CCN4: variants seen among roughly 807,000 people sequenced by gnomAD.
CCN4 encodes the protein CCN family member 4.
A neutral mutation model predicts 36.7 loss-of-function variants in CCN4; 30 were observed. That is an observed-to-expected ratio of 0.82 (90% CI 0.61 to 1.11). The LOEUF (loss-of-function observed/expected upper bound fraction) is 1.11. Among genes scored for constraint, CCN4 ranks in the 50% least tolerant of loss-of-function variants. CCN4 has a pLI of 0.00. For missense variants in CCN4, 505 were observed against 504.9 expected (o/e 1.00, Z 0.00); for synonymous variants, 191 against 195.4 (o/e 0.98, Z 0.19).
chr8:133,226,879 T>C (rs557775278), intron 4 of CCN4, among the ~76,000 whole-genome samples: 17 of 152,312 alleles, frequency 1.1e-4, no homozygotes, highest in African/African-American at 3.8e-4. Flanking sequence ...GAAAGAACAG[T>C]AAATCTCAAG....
chr8:133,220,836 C>A lies in CCN4; in HGVS notation c.605C>A (p.Ala202Asp), dbSNP rs772203612. The change falls in exon 3 of 5, where the codon GCC (alanine) becomes GAC (aspartate). Residue 202 changes from alanine (A) to aspartate (D), a missense_variant. Transcript: ENST00000250160. Reference protein sequence around the residue: ...PRKTAPRDTGAFDAVGEVEAW... With the variant: ...PRKTAPRDTGDFDAVGEVEAW... ...AAGACCGCACCCCGTGACACAGGAG[C>A]CTTCGGTGGGTGTGGGCCCGAGTGG... 5.0e-6 allele frequency: 8 copies of A among 1,597,440 alleles called. No homozygotes were observed. Among genetic ancestry groups the A allele is most frequent in the African/African-American group, 2.7e-5 (2 of 74,600 alleles).
rs1038173519 is a variant in CCN4, at chr8:133,203,970, C to T, written c.70-8894C>T. ...TGAAATACACCATAATAATCAGTTA[C>T]CACTCACCTTTAAATATTATCTCAA... On this transcript the variant is annotated intron_variant, in intron 1 of 4. Coordinates refer to ENST00000250160, the MANE Select transcript of CCN4 (RefSeq NM_003882.4). Among the ~76,000 whole-genome samples the T allele has an allele frequency of 7.2e-5, 11 of 152,200 alleles. No individual in the cohort carries two copies. In the South Asian group the frequency reaches 2.3e-3, roughly 31 times the overall value.
chr8:133,202,934 G>A (rs1853640007), intron 1 of CCN4, among the ~76,000 whole-genome samples: 1 of 152,242 alleles, frequency 6.6e-6, no homozygotes, highest in East Asian at 1.9e-4. Flanking sequence ...GCACCGGCCA[G>A]GCCTGTATTC....
At chr8:133,216,945 G>T (rs959122819) in intron 2 of CCN4, among the ~76,000 whole-genome samples, 1 of 152,236 alleles carries the variant, frequency 6.6e-6, no homozygotes, top group Non-Finnish European at 1.5e-5. Context: ...GGAGGGAGCA[G>T]GTCTAGCTCC....
intron 1 of CCN4, among the ~76,000 whole-genome samples, chr8:133,196,218 G>A (rs1853377063): frequency 4.6e-5 from 7 of 152,188 alleles, no homozygotes; most frequent in Admixed American, 4.6e-4. Context: ...CGGTGTTGCT[G>A]TAATCTAGAC....
At chr8:133,221,916 T>C (rs1854544919) in intron 3 of CCN4, among the ~76,000 whole-genome samples, 1 of 147,362 alleles carries the variant, frequency 6.8e-6, no homozygotes, top group Non-Finnish European at 1.5e-5. Flanking sequence ...AATGGATGGA[T>C]GGAGGATGGA....
chr8:133,204,024 CTTTA>C (rs1369812614), intron 1 of CCN4, among the ~76,000 whole-genome samples: 2 of 152,132 alleles, frequency 1.3e-5, no homozygotes, highest in African/African-American at 2.4e-5. Context: ...TCCTCCAGGG[CTTTA>C]TTTTTTTTCC....
chr8:133,224,935 C>CAAAA (rs55861580), intron 3 of CCN4, among the ~76,000 whole-genome samples: 1 of 130,162 alleles, frequency 7.7e-6, no homozygotes, highest in African/African-American at 2.8e-5. Flanking sequence ...AACTCTGTCT[C>CAAAA]AAAAAAAAAA....
intron 2 of CCN4, among the ~76,000 whole-genome samples, chr8:133,214,858 T>C (rs920739442): frequency 2.0e-5 from 3 of 152,192 alleles, no homozygotes; most frequent in Non-Finnish European, 4.4e-5. Flanking sequence ...CAACGTAGTC[T>C]CTCATCCTCA....
In CCN4 at chr8:133,193,399, G is replaced by A. The variant is rs530547158; in HGVS notation, c.69+2186G>A. Among the ~76,000 whole-genome samples, 5 of 152,326 alleles carry A rather than the reference G, an allele frequency of 3.3e-5. No homozygotes were observed. The East Asian group carries it at 9.7e-4, about 29-fold the overall frequency. ...AAGATGGCAGCCCAGAAGGAGATCAGCCAAGGAGGAAGGCACTGGAGTGAT... is the reference window on the plus strand; with the variant it reads ...AAGATGGCAGCCCAGAAGGAGATCAACCAAGGAGGAAGGCACTGGAGTGAT... On this transcript the variant is annotated intron_variant, in intron 1 of 4. Coordinates refer to ENST00000250160, the MANE Select transcript of CCN4 (RefSeq NM_003882.4).
Position 133,227,479 on chromosome 8 carries a change from C to A in CCN4, c.873C>A (p.Ile291=), listed in dbSNP as rs1854782416. The change falls in exon 5 of 5, where the codon ATC becomes ATA. Residue 291 remains isoleucine (I), a synonymous_variant. Transcript: ENST00000250160. ...TGAACTTCACACTTGCGGGCTGCATCAGCACACGCTCCTATCAACCCAAGT... is the reference window on the plus strand; with the variant it reads ...TGAACTTCACACTTGCGGGCTGCATAAGCACACGCTCCTATCAACCCAAGT... ...ASMNFTLAGC[I]STRSYQPKYC... is the part of the protein sequence containing the mutation. The A allele has an allele frequency of 1.2e-6, 2 of 1,614,210 alleles. No homozygotes were observed. The highest frequency in any genetic ancestry group is 1.7e-6 in the Non-Finnish European group (2 of 1,180,042).
intron 1 of CCN4, among the ~76,000 whole-genome samples, chr8:133,194,588 T>G (rs1588177365): frequency 1.2e-4 from 9 of 76,244 alleles, no homozygotes; most frequent in Admixed American, 1.6e-4. Flanking sequence ...GTGTGTGGGG[T>G]GTGTGGGGTG....
At chr8:133,212,764 C>T (rs1021335165) in intron 1 of CCN4, 100 bp from the exon 2 acceptor site, 1 of 928,586 alleles carries the variant, frequency 1.1e-6, no homozygotes, top group East Asian at 2.7e-5. Context: ...TTATGAAAAC[C>T]TTTTGAACAG....
chr8:133,196,350 G>A (rs1443021145), intron 1 of CCN4, among the ~76,000 whole-genome samples: 2 of 152,228 alleles, frequency 1.3e-5, no homozygotes, highest in African/African-American at 4.8e-5. Flanking sequence ...GTATGAATGT[G>A]AGAGCGCAAT....
rs555850411 is a variant in CCN4 at position 133,201,740 on chromosome 8, G to A, written c.69+10527G>A. On this transcript the variant is annotated intron_variant, in intron 1 of 4. Transcript: ENST00000250160. ...CATCTGTAATCCCAGCTACTCGGGA[G>A]GCTGAGGGACAAGAATCACTTGAAC... Among the ~76,000 whole-genome samples the A allele has an allele frequency of 3.3e-5, 5 of 152,268 alleles. No individual in the cohort carries two copies. The South Asian group carries it at 1.0e-3, about 32-fold the overall frequency.
intron 1 of CCN4, among the ~76,000 whole-genome samples, chr8:133,194,372 G>A (rs111850573): frequency 8.3e-6 from 1 of 120,886 alleles, no homozygotes; most frequent in African/African-American, 3.2e-5. Flanking sequence ...GGGGGTGTGT[G>A]TGTGGGGTGT....
At chr8:133,206,174 C>T (rs1853764656) in intron 1 of CCN4, among the ~76,000 whole-genome samples, 1 of 152,178 alleles carries the variant, frequency 6.6e-6, no homozygotes, top group African/African-American at 2.4e-5. Context: ...CACACATTTC[C>T]TTCAGGATGT....
rs567024079 is a variant in CCN4, at chr8:133,226,027, CA to C, written c.804+445del. On this transcript the variant is annotated intron_variant, in intron 4 of 4. Coordinates refer to ENST00000250160, the MANE Select transcript of CCN4 (RefSeq NM_003882.4). The stretch of plus-strand genomic sequence containing the variant: ...CATGTGACTGTGGCCAATCTCTGCT[CA>C]TCACTGAGCCCCCATTCCCTCATCA... 3.5e-4 allele frequency among the ~76,000 whole-genome samples: 53 copies of C among 152,268 alleles called. No individual in the cohort carries two copies. In the South Asian group the frequency reaches 0.011, roughly 32 times the overall value.
intron 1 of CCN4, among the ~76,000 whole-genome samples, chr8:133,209,282 A>C (rs1462763011): frequency 1.3e-5 from 2 of 152,180 alleles, no homozygotes; most frequent in Non-Finnish European, 1.5e-5. Context: ...TCTATGCTGG[A>C]CATACCCTAG....
Sources: gnomAD v4.1 joint callset for allele counts (sites outside exome capture counted in the v4.1 genomes callset) on GRCh38, gnomAD v4.1.1 for gene constraint, MANE v1.5 for transcripts, NCBI Gene and HGNC (gene_info 2026-07-23, HGNC 2026-07-21) for gene names.